The following DISC1 variants were observed in gnomAD, a reference collection of about 807,000 sequenced individuals.
The protein encoded by DISC1 is DISC1 scaffold protein.
In DISC1, 57 loss-of-function variants were observed where a neutral mutation model predicts 84.5. The observed-to-expected ratio is 0.67, with a 90% CI of 0.55 to 0.84. The LOEUF (loss-of-function observed/expected upper bound fraction) is 0.84, where lower values mean the gene tolerates loss of function less well. Among genes scored for constraint, DISC1 ranks in the 40% least tolerant of loss-of-function variants. The pLI is 0.00. For missense variants in DISC1, 1,000 were observed against 1,057.8 expected, an observed-to-expected ratio of 0.95 and a Z score of 0.76; for synonymous variants, 411 against 415.2, an observed-to-expected ratio of 0.99 and a Z score of 0.12.
intron 4 of DISC1, among the ~76,000 whole-genome samples, chr1:231,760,607 G>A (rs905240050): frequency 6.6e-6 from 1 of 152,150 alleles, no homozygotes; most frequent in Non-Finnish European, 1.5e-5. Flanking sequence ...TCCAGCAGTG[G>A]CACAAAGCAA....
At chr1:232,007,046 C>T (rs1323966439) in intron 10 of DISC1, among the ~76,000 whole-genome samples, 5 of 152,132 alleles carry the variant, frequency 3.3e-5, no homozygotes, top group Non-Finnish European at 7.3e-5. Flanking sequence ...GCACAGAAGT[C>T]AAGAATTGAG....
intron 9 of DISC1, among the ~76,000 whole-genome samples, chr1:231,840,298 T>A (rs556689707): frequency 2.0e-5 from 3 of 152,182 alleles, no homozygotes; most frequent in South Asian, 2.1e-4. Context: ...ATTCCACTCC[T>A]GGGTACTTAT....
intron 9 of DISC1, among the ~76,000 whole-genome samples, chr1:231,920,814 A>G (rs1414830804): frequency 6.6e-6 from 1 of 151,812 alleles, no homozygotes; most frequent in South Asian, 2.1e-4. Flanking sequence ...TTCATTGTTT[A>G]TCTGATGTTC....
At chr1:231,859,512 T>G (rs1023421702) in intron 9 of DISC1, among the ~76,000 whole-genome samples, 1 of 152,182 alleles carries the variant, frequency 6.6e-6, no homozygotes. Context: ...TTCACGGAGA[T>G]TCTAACCTCA....
At chr1:231,809,591 A>G (rs1470925764) in intron 8 of DISC1, among the ~76,000 whole-genome samples, 1 of 150,442 alleles carries the variant, frequency 6.6e-6, no homozygotes, top group Non-Finnish European at 1.5e-5. Flanking sequence ...AAAACTATCT[A>G]TACCCAAAAT....
At chr1:231,688,381 C>T (rs2064565600) in intron 1 of DISC1, among the ~76,000 whole-genome samples, 1 of 152,212 alleles carries the variant, frequency 6.6e-6, no homozygotes, top group South Asian at 2.1e-4. Context: ...TGAGTTCAAA[C>T]TGACTAACTC....
chr1:231,702,684 A>C, intron 3 of DISC1: 1 of 852,388 alleles, frequency 1.2e-6, no homozygotes, highest in Non-Finnish European at 1.4e-6. Flanking sequence ...AGGCACCAAA[A>C]TAGAAGTTGG....
At chr1:231,713,995 T>C (rs2068318971) in intron 3 of DISC1, among the ~76,000 whole-genome samples, 1 of 151,648 alleles carries the variant, frequency 6.6e-6, no homozygotes, top group African/African-American at 2.4e-5. Flanking sequence ...CATTATCCTA[T>C]ATGTAGAAAA....
chr1:231,702,821 TCA>T (rs1250740561), intron 3 of DISC1, among the ~76,000 whole-genome samples: 1 of 151,998 alleles, frequency 6.6e-6, no homozygotes, highest in Non-Finnish European at 1.5e-5. Flanking sequence ...TTGCAAGATC[TCA>T]CACCCATTTC....
At chr1:231,816,069 T>C (rs550180327) in intron 8 of DISC1, among the ~76,000 whole-genome samples, 20 of 152,382 alleles carry the variant, frequency 1.3e-4, no homozygotes, top group Admixed American at 1.2e-3. Context: ...GGGACCATTT[T>C]ACATGCGTGA....
At position 231,734,081 on chromosome 1, in the gene DISC1, CA is replaced by C. The variant is rs1484033601; in HGVS notation, c.1118-15842del. On this transcript the variant is annotated intron_variant, in intron 3 of 12. Transcript: ENST00000439617. Reference sequence around the variant, plus strand: ...TCCATTGCACTTAAAAAGAAGTGGACAAACTCATTTCTCTTGCCTGGACAGT... The same window carrying C: ...TCCATTGCACTTAAAAAGAAGTGGACAACTCATTTCTCTTGCCTGGACAGT... 2.0e-5 allele frequency among the ~76,000 whole-genome samples: 3 copies of C among 152,128 alleles called. No homozygotes were observed. In the East Asian group the frequency reaches 5.8e-4, roughly 29 times the overall value.
chr1:231,677,706 C>T (rs189106095), intron 1 of DISC1, among the ~76,000 whole-genome samples: 458 of 152,336 alleles, frequency 3.0e-3, no homozygotes, highest in Non-Finnish European at 5.5e-3. Flanking sequence ...ATGCCAGGTG[C>T]GGTGGCTCAC....
intron 3 of DISC1, among the ~76,000 whole-genome samples, chr1:231,735,252 A>G (rs1402080533): frequency 6.6e-6 from 1 of 152,180 alleles, no homozygotes; most frequent in Non-Finnish European, 1.5e-5. Flanking sequence ...ATATTAAAAT[A>G]TTTCCTGTTT....
At chr1:231,798,113 C>CCACACACTCACACA (rs1553353425) in intron 7 of DISC1, among the ~76,000 whole-genome samples, 1 of 147,074 alleles carries the variant, frequency 6.8e-6, no homozygotes, top group African/African-American at 2.5e-5. Flanking sequence ...GTTAGACACA[C>CCACACACTCACACA]CACACACACA....
chr1:231,655,158 G>A (rs1026087443), intron 1 of DISC1, among the ~76,000 whole-genome samples: 6 of 152,098 alleles, frequency 3.9e-5, no homozygotes, highest in Non-Finnish European at 5.9e-5. Flanking sequence ...TTGCTTACAT[G>A]GATGAATGGT....
intron 10 of DISC1, among the ~76,000 whole-genome samples, chr1:231,994,850 C>T (rs1440983127): frequency 6.6e-6 from 1 of 152,150 alleles, no homozygotes; most frequent in African/African-American, 2.4e-5. Flanking sequence ...AATCTCATCA[C>T]CTTCTAACTA....
chr1:231,757,497 T>A (rs1282451280), intron 4 of DISC1, among the ~76,000 whole-genome samples: 1 of 152,166 alleles, frequency 6.6e-6, no homozygotes, highest in Non-Finnish European at 1.5e-5. Context: ...TCTGAACTCG[T>A]GTAGAAGAGC....
intron 1 of DISC1, among the ~76,000 whole-genome samples, chr1:231,656,184 C>T (rs1414539798): frequency 6.6e-6 from 1 of 151,928 alleles, no homozygotes; most frequent in Non-Finnish European, 1.5e-5. Context: ...AATAATTTTT[C>T]CTAGGTTTTG....
chr1:231,641,381 C>T (rs1200770523), intron 1 of DISC1, among the ~76,000 whole-genome samples: 1 of 152,060 alleles, frequency 6.6e-6, no homozygotes, highest in African/African-American at 2.4e-5. Flanking sequence ...GTGAGTGTTA[C>T]AGCTCTTAAG....
Sources: allele counts gnomAD v4.1 joint callset (sites outside exome capture counted in the v4.1 genomes callset), GRCh38; gene constraint gnomAD v4.1.1; transcripts MANE v1.5; gene names NCBI Gene and HGNC (gene_info 2026-07-23, HGNC 2026-07-21).